Variants in CPPED1 observed in about 807,000 individuals in gnomAD.
CPPED1 encodes serine/threonine-protein phosphatase CPPED1.
Under a neutral mutation model 28.0 loss-of-function variants are expected in CPPED1, and 28 were observed. That is an observed-to-expected ratio of 1.00 (90% confidence interval 0.74 to 1.37). The LOEUF (loss-of-function observed/expected upper bound fraction) is 1.37. CPPED1 is among the 40% of genes most tolerant of loss of function. The pLI, the probability that CPPED1 is intolerant of heterozygous loss-of-function variation, is 0.00. For synonymous variants in CPPED1, 198 were observed against 180.2 expected (o/e 1.10, Z -0.79); for missense variants, 504 against 416.5 (o/e 1.21, Z -1.83).
intron 3 of CPPED1, among the ~76,000 whole-genome samples, chr16:12,674,138 G>A (rs1245354319): frequency 6.6e-6 from 1 of 152,168 alleles, no homozygotes; most frequent in Non-Finnish European, 1.5e-5. Context: ...GTAAAAGAGA[G>A]TCCTCCCCCA....
In CPPED1 at chr16:12,664,414, A is replaced by G; in HGVS notation, c.*472T>C. The G allele has an allele frequency of 2.0e-6, 2 of 1,007,580 alleles. No individual in the cohort carries two copies. Among genetic ancestry groups the G allele is most frequent in the Non-Finnish European group, 2.4e-6 (2 of 845,008 alleles). 62.4% of individuals were successfully genotyped at this position (1,007,580 alleles called of 1,614,324 possible). On this transcript the variant is annotated 3_prime_UTR_variant, in exon 4 of 4. Transcript: ENST00000381774. This position sits in a 1 kb window ranked among gnomAD's most constrained non-coding sequence, Gnocchi z 4.2. Reference sequence around the variant, plus strand: ...GAGACAGCTGTTCGTTCCGCTGGAAAGGAAAGGAGATGAACTTTGTTTTGC... The same window carrying G: ...GAGACAGCTGTTCGTTCCGCTGGAAGGGAAAGGAGATGAACTTTGTTTTGC...
chr16:12,742,567 C>G (rs2080261992), intron 2 of CPPED1, among the ~76,000 whole-genome samples: 1 of 152,212 alleles, frequency 6.6e-6, no homozygotes, highest in South Asian at 2.1e-4. Flanking sequence ...TTTCACTGTT[C>G]CTTTCCTATG....
chr16:12,667,318 G>A (rs774920483), intron 3 of CPPED1, among the ~76,000 whole-genome samples: 1 of 151,682 alleles, frequency 6.6e-6, no homozygotes, highest in Non-Finnish European at 1.5e-5. Context: ...GATATCAAAG[G>A]GTCCTTAATA....
intron 3 of CPPED1, among the ~76,000 whole-genome samples, chr16:12,668,247 G>C (rs2079836096): frequency 6.6e-6 from 1 of 152,122 alleles, no homozygotes; most frequent in Non-Finnish European, 1.5e-5. Flanking sequence ...AAATAATGAT[G>C]ACCAAACGCC....
intron 3 of CPPED1, among the ~76,000 whole-genome samples, chr16:12,683,710 C>G (rs1026549549): frequency 1.3e-5 from 2 of 152,184 alleles, no homozygotes; most frequent in Non-Finnish European, 2.9e-5. Flanking sequence ...CGCTTACCCC[C>G]ATCTCCTCTC....
intron 2 of CPPED1, among the ~76,000 whole-genome samples, chr16:12,725,257 C>A (rs1208396574): frequency 6.6e-6 from 1 of 152,090 alleles, no homozygotes; most frequent in Non-Finnish European, 1.5e-5. Context: ...CCACACCTGG[C>A]TAATTTTTGT....
At chr16:12,773,357 T>C (rs1026804586) in intron 2 of CPPED1, among the ~76,000 whole-genome samples, 1 of 152,196 alleles carries the variant, frequency 6.6e-6, no homozygotes, top group African/African-American at 2.4e-5. Context: ...TCTCCTGATA[T>C]ACACCATTAT....
chr16:12,704,936 TG>T lies in CPPED1; in HGVS notation c.402del (p.Thr135ArgfsTer43), dbSNP rs2141187280. 1 of 1,613,988 alleles carries T rather than the reference TG, an allele frequency of 6.2e-7. No individual in the cohort carries two copies. The highest frequency in any genetic ancestry group is 8.5e-7 in the Non-Finnish European group (1 of 1,180,006). On this transcript the variant is annotated frameshift_variant, in exon 3 of 4. Coordinates refer to ENST00000381774, the MANE Select transcript of CPPED1 (RefSeq NM_018340.3). LOFTEE classifies it high-confidence loss of function. The stretch of plus-strand genomic sequence containing the variant: ...CAGAACTCCTCGACGGTCTCGGCCG[TG>T]GGGGTGTTGCCAATGTCATGGTTGC... ...VSGNHDIGNTPTAETVEEFCR... is the reference protein window; with the variant it reads ...VSGNHDIGNTXTAETVEEFCR...
At chr16:12,752,737 C>G (rs942276236) in intron 2 of CPPED1, among the ~76,000 whole-genome samples, 2 of 147,002 alleles carry the variant, frequency 1.4e-5, no homozygotes, top group Non-Finnish European at 3.0e-5. Flanking sequence ...TCAAAAACTG[C>G]ACCAGAATAA....
At chr16:12,684,627 G>T (rs1425553046) in intron 3 of CPPED1, among the ~76,000 whole-genome samples, 1 of 152,200 alleles carries the variant, frequency 6.6e-6, no homozygotes, top group Non-Finnish European at 1.5e-5. Context: ...CATCCCTGGT[G>T]AAGGTGCACA....
chr16:12,790,640 G>C (rs9939778), intron 1 of CPPED1, among the ~76,000 whole-genome samples: 5,847 of 152,124 alleles, frequency 0.038, 185 homozygotes, highest in East Asian at 0.14. Flanking sequence ...AGTCACATTG[G>C]CCGGTCGCGG....
chr16:12,683,045 C>T (rs1048201162), intron 3 of CPPED1, among the ~76,000 whole-genome samples: 4 of 152,150 alleles, frequency 2.6e-5, no homozygotes, highest in Non-Finnish European at 4.4e-5. Flanking sequence ...CGGCCAGCCA[C>T]GGAAGGAAAA....
At chr16:12,757,420 T>C (rs1199382333) in intron 2 of CPPED1, 1 of 151,864 alleles carries the variant, frequency 6.6e-6, no homozygotes, top group East Asian at 1.9e-4. Flanking sequence ...CTTACTTACA[T>C]GGGGAAAATA....
intron 2 of CPPED1, among the ~76,000 whole-genome samples, chr16:12,756,353 G>T (rs1010942295): frequency 6.6e-6 from 1 of 152,104 alleles, no homozygotes; most frequent in South Asian, 2.1e-4. Context: ...CATCTCACGT[G>T]GGCAGTTCCA....
chr16:12,724,880 G>C (rs574285134), intron 2 of CPPED1, among the ~76,000 whole-genome samples: 31 of 151,446 alleles, frequency 2.0e-4, no homozygotes, highest in Non-Finnish European at 4.3e-4. Context: ...TCAGCCTCTC[G>C]GGTTCACGCC....
chr16:12,672,137 C>T lies in CPPED1; in HGVS notation c.716-7022G>A, dbSNP rs572101315. Among the ~76,000 whole-genome samples the T allele has an allele frequency of 1.2e-4, 19 of 152,362 alleles. No individual in the cohort carries two copies. The South Asian group carries it at 3.9e-3, about 32-fold the overall frequency. On this transcript the variant is annotated intron_variant, in intron 3 of 3. Coordinates refer to ENST00000381774, the MANE Select transcript of CPPED1 (RefSeq NM_018340.3). ...TAAGGACACTGTGATGTCTGCAACA[C>T]TACAAAATTGTGTAACAATGCATGA...
intron 2 of CPPED1, among the ~76,000 whole-genome samples, chr16:12,766,444 AGAGAAAAAT>A (rs112729636): frequency 0.18 from 27,096 of 151,458 alleles, 3,467 homozygotes; most frequent in African/African-American, 0.37. Context: ...GATGGCAGCA[AGAGAAAAAT>A]GAGGAAGATG....
intron 3 of CPPED1, among the ~76,000 whole-genome samples, chr16:12,701,814 T>C (rs750963466): frequency 6.6e-6 from 1 of 151,736 alleles, no homozygotes; most frequent in Admixed American, 6.6e-5. Context: ...ACGAAGGAGG[T>C]AGAATTAAAG....
chr16:12,715,085 T>A (rs188977318), intron 2 of CPPED1, among the ~76,000 whole-genome samples: 1 of 152,290 alleles, frequency 6.6e-6, no homozygotes, highest in Admixed American at 6.5e-5. Context: ...TTGGCGCCCT[T>A]GTCAAAAATC....
Sources: allele counts gnomAD v4.1 joint callset (sites outside exome capture counted in the v4.1 genomes callset), GRCh38; gene constraint gnomAD v4.1.1; non-coding constraint Gnocchi (gnomAD v3.1); transcripts MANE v1.5; gene names NCBI Gene and HGNC (gene_info 2026-07-23, HGNC 2026-07-21).